SLC35A5: variants seen among roughly 807,000 people sequenced by gnomAD.
SLC35A5 encodes solute carrier family 35 member A5.
In SLC35A5, 28 loss-of-function variants were observed where a neutral mutation model predicts 36.3. The ratio of observed to expected loss-of-function variants is 0.77; its 90% CI spans 0.57 to 1.06. The LOEUF is 1.06. SLC35A5 is among the 50% of genes least tolerant of loss of function. The pLI is 0.00. For missense variants in SLC35A5, 521 were observed against 499.3 expected (o/e 1.04, Z -0.41); for synonymous variants, 180 against 173.7 (o/e 1.04, Z -0.29).
At chr3:112,581,957 C>G (rs894085337) in intron 6 of SLC35A5, among the ~76,000 whole-genome samples, 2 of 151,976 alleles carry the variant, frequency 1.3e-5, no homozygotes, top group African/African-American at 4.8e-5. Flanking sequence ...TTCCGAATAT[C>G]TCCCAGTTGC....
intron 5 of SLC35A5, among the ~76,000 whole-genome samples, chr3:112,575,603 TTTC>T (rs1168535131): frequency 6.6e-6 from 1 of 152,062 alleles, no homozygotes; most frequent in Non-Finnish European, 1.5e-5. Context: ...TCAAAAAAAA[TTTC>T]TACATACTTT....
At chr3:112,581,438 C>A in intron 6 of SLC35A5, 112 bp downstream of exon 6, 1 of 1,131,560 alleles carries the variant, frequency 8.8e-7, no homozygotes, top group East Asian at 2.5e-5. Context: ...TATTGGATCT[C>A]TGACTTTTAA....
chr3:112,581,844 GA>G (rs34631459), intron 6 of SLC35A5, among the ~76,000 whole-genome samples: 10,180 of 152,258 alleles, frequency 0.067, 425 homozygotes, highest in Admixed American at 0.12. Flanking sequence ...CAGTATGCCA[GA>G]AGGGCAGGGT....
At chr3:112,573,075 A>G (rs1251685070) in intron 4 of SLC35A5, among the ~76,000 whole-genome samples, 3 of 152,188 alleles carry the variant, frequency 2.0e-5, no homozygotes, top group Non-Finnish European at 2.9e-5. Context: ...TTAGCTTCAT[A>G]TTAGCCATGT....
chr3:112,579,683 T>TC lies in SLC35A5; in HGVS notation c.429-861dup, dbSNP rs149842816. On this transcript the variant is annotated intron_variant, in intron 5 of 6. Transcript: ENST00000492406. The stretch of plus-strand genomic sequence containing the variant: ...CCTGACTATTTACAGATTGTAGTGT[T>TC]CCTCAGTTTACTCCACTTGTCCCAT... Among the ~76,000 whole-genome samples, 60 of 152,330 alleles carry TC rather than the reference T, an allele frequency of 3.9e-4. 2 individuals carry two copies. In the East Asian group the frequency reaches 0.011, roughly 27 times the overall value.
rs1935084753 is a variant in SLC35A5 at position 112,584,836 on chromosome 3, A to G, written c.*2100A>G. ...GAATAAGAAAATGTGGTACATATAC[A>G]CCATGGAATACTTTGCAGCCATAAA... is the stretch of plus-strand genomic sequence containing the variant. On this transcript the variant is annotated 3_prime_UTR_variant, in exon 7 of 7. Coordinates refer to ENST00000492406, the MANE Select transcript of SLC35A5 (RefSeq NM_017945.5). 1 of 152,192 alleles carries G rather than the reference A, an allele frequency of 6.6e-6. No individual in the cohort carries two copies. The highest frequency in any genetic ancestry group is 6.6e-5 in the Admixed American group (1 of 15,256). The allele number at this position is 152,192 out of a possible 1,614,324, so 9.4% of individuals were successfully genotyped here.
chr3:112,562,002 G>C (rs113544687), upstream of SLC35A5: 13 of 174,158 alleles, frequency 7.5e-5, no homozygotes, highest in Non-Finnish European at 1.3e-4. Context: ...GGGCCGGGCT[G>C]GGGCGGGATA....
rs200136481 is a variant in SLC35A5 at position 112,569,557 on chromosome 3, G to GT, written c.229+293dup. Among the ~76,000 whole-genome samples the GT allele has an allele frequency of 4.6e-5, 7 of 152,186 alleles. No individual in the cohort carries two copies. In the East Asian group the frequency reaches 1.3e-3, roughly 29 times the overall value. ...TGTGATAGTTTCATACAGTAAGTTAGTTTTTATTCAAATTAAAGATTTTCT... is the reference window on the plus strand; with the variant it reads ...TGTGATAGTTTCATACAGTAAGTTAGTTTTTTATTCAAATTAAAGATTTTCT... On this transcript the variant is annotated intron_variant, in intron 3 of 6. Transcript: ENST00000492406.
At chr3:112,562,635 G>A (rs1933976019) in intron 1 of SLC35A5, among the ~76,000 whole-genome samples, 1 of 152,228 alleles carries the variant, frequency 6.6e-6, no homozygotes. Flanking sequence ...AAACTTTACA[G>A]CAGTGTTTCA....
At chr3:112,572,635 G>T (rs1374918570) in intron 4 of SLC35A5, among the ~76,000 whole-genome samples, 1 of 152,102 alleles carries the variant, frequency 6.6e-6, no homozygotes, top group African/African-American at 2.4e-5. Flanking sequence ...CTTCCTGATT[G>T]TGAACAACCA....
chr3:112,573,958 T>A lies in SLC35A5; in HGVS notation c.428+2T>A, dbSNP rs1386026868. ...TCTTCTATTCAGGATAGTGCTGAAG[T>A]AAGTAACTTGCTGTGAAAACATATA... On this transcript the variant is annotated splice_donor_variant, in intron 5 of 6. Transcript: ENST00000492406. LOFTEE classifies it high-confidence loss of function. The A allele has an allele frequency of 1.2e-6, 2 of 1,609,190 alleles. No individual in the cohort carries two copies. The highest frequency in any genetic ancestry group is 1.3e-5 in the African/African-American group (1 of 74,810).
chr3:112,561,388 C>G, upstream of SLC35A5: 1 of 1,527,958 alleles, frequency 6.5e-7, no homozygotes, highest in Non-Finnish European at 9.0e-7. Context: ...GCGGGGACTC[C>G]TGCGGCGCCT....
chr3:112,570,591 T>C lies in SLC35A5; in HGVS notation c.281T>C (p.Phe94Ser). Residue 94 changes from phenylalanine to serine, a missense_variant, in exon 4 of 7, where the codon TTC becomes TCC. Transcript: ENST00000492406. ...GCTTCCTGGAAGGAATTCTCTGATT[T>C]CATGAAGTGGTCCATTCCTGCCTTT... ...KYASWKEFSD[F>S]MKWSIPAFLY... is the part of the protein sequence containing the mutation. 6.2e-7 allele frequency: 1 copy of C among 1,613,214 alleles called. No homozygotes were observed. The highest frequency in any genetic ancestry group is 1.1e-5 in the South Asian group (1 of 90,942).
In SLC35A5 at chr3:112,584,580, A is replaced by G. The variant is rs1178532115; in HGVS notation, c.*1844A>G. 1.3e-5 allele frequency: 2 copies of G among 152,134 alleles called. No individual in the cohort carries two copies. Among genetic ancestry groups the G allele is most frequent in the African/African-American group, 4.8e-5 (2 of 41,438 alleles). The allele number at this position is 152,134 out of a possible 1,614,324, so 9.4% of individuals were successfully genotyped here. A position where few individuals can be genotyped will look rare whatever the true frequency, so the allele number is the denominator to read the frequency against. ...GCATTTTTTGCACAAAGTTAAGTTT[A>G]CTTATGTTAACTTGCCACTTAATGA... On this transcript the variant is annotated 3_prime_UTR_variant, in exon 7 of 7. Transcript: ENST00000492406.
rs1935080940 is a variant in SLC35A5 at position 112,584,742 on chromosome 3, T to C, written c.*2006T>C. 6.6e-6 allele frequency: 1 copy of C among 152,174 alleles called. No homozygotes were observed. The highest frequency in any genetic ancestry group is 2.4e-5 in the African/African-American group (1 of 41,458). The allele number at this position is 152,174 out of a possible 1,614,324, so 9.4% of individuals were successfully genotyped here. A position where few individuals can be genotyped will look rare whatever the true frequency, so the allele number is the denominator to read the frequency against. ...TATCAAAAAGACACTTGCAGTGGTA[T>C]GTTTATCACAGCAGTATTCACAGTA... On this transcript the variant is annotated 3_prime_UTR_variant, in exon 7 of 7. Coordinates refer to ENST00000492406, the MANE Select transcript of SLC35A5 (RefSeq NM_017945.5).
rs772420472 is a variant in SLC35A5 at position 112,580,806 on chromosome 3, G to T, written c.689G>T (p.Gly230Val). The change falls in exon 6 of 7, where the codon GGC becomes GTC. Residue 230 changes from glycine (G) to valine (V), a missense_variant. Coordinates refer to ENST00000492406, the MANE Select transcript of SLC35A5 (RefSeq NM_017945.5). ...AGAGTTTTCAGTCACATCCGTCTTG[G>T]CATGGGCCATGTTCTTATTATAGTC... ...TARVFSHIRL[G>V]MGHVLIIVQC... The T allele has an allele frequency of 1.2e-6, 2 of 1,614,208 alleles. No individual in the cohort carries two copies. The highest frequency in any genetic ancestry group is 1.7e-6 in the Non-Finnish European group (2 of 1,180,014).
intron 2 of SLC35A5, among the ~76,000 whole-genome samples, chr3:112,568,777 G>T (rs890288874): frequency 2.6e-5 from 4 of 152,206 alleles, no homozygotes; most frequent in Non-Finnish European, 5.9e-5. Flanking sequence ...ATCACAAGAA[G>T]AATTATGAGC....
rs755646021 is a variant in SLC35A5, at chr3:112,580,507, G to A, written c.429-39G>A. On this transcript the variant is annotated intron_variant, in intron 5 of 6. Coordinates refer to ENST00000492406, the MANE Select transcript of SLC35A5 (RefSeq NM_017945.5). ...TCAGTAGAAACTATTGATATGGGGG[G>A]AAAACAGTAGTAAAATCTTTTTTTT... 4 of 1,543,214 alleles carry A rather than the reference G, an allele frequency of 2.6e-6. No homozygotes were observed. The Admixed American group carries it at 6.3e-5, about 24-fold the overall frequency.
At chr3:112,562,872 CAACA>C (rs1360456329) in intron 1 of SLC35A5, among the ~76,000 whole-genome samples, 1 of 151,914 alleles carries the variant, frequency 6.6e-6, no homozygotes, top group Non-Finnish European at 1.5e-5. Context: ...CCAGCCTGGC[CAACA>C]TAGTGAAACC....
Sources: gnomAD v4.1 joint callset for allele counts (sites outside exome capture counted in the v4.1 genomes callset) on GRCh38, gnomAD v4.1.1 for gene constraint, MANE v1.5 for transcripts, NCBI Gene and HGNC (gene_info 2026-07-23, HGNC 2026-07-21) for gene names.